The following CHD2 variants were observed in gnomAD, a reference collection of about 807,000 sequenced individuals.
CHD2 encodes the protein chromodomain helicase DNA binding protein 2.
In CHD2, 28 loss-of-function variants were observed where a neutral mutation model predicts 243.9. The ratio of observed to expected loss-of-function variants is 0.11; its 90% CI spans 0.09 to 0.16. The LOEUF (loss-of-function observed/expected upper bound fraction) is 0.16, where lower values mean the gene tolerates loss of function less well. Among genes scored for constraint, CHD2 ranks in the 10% least tolerant of loss-of-function variants. CHD2 has a pLI of 1.00. For synonymous variants in CHD2, 775 were observed against 779.0 expected (o/e 0.99, Z 0.09); for missense variants, 1,386 against 2,209.8 (o/e 0.63, Z 7.47).
chr15:92,908,858 C>T (rs1246780866), intron 2 of CHD2, among the ~76,000 whole-genome samples: 2 of 152,138 alleles, frequency 1.3e-5, no homozygotes, highest in African/African-American at 4.8e-5. Context: ...GTAGCTCACT[C>T]CTGTAATCCC....
At chr15:92,951,127 A>G (rs1460833946) in intron 13 of CHD2, among the ~76,000 whole-genome samples, 5 of 152,142 alleles carry the variant, frequency 3.3e-5, no homozygotes, top group African/African-American at 1.2e-4. Context: ...CCAGAGTCAC[A>G]TGGTGTTTTG....
chr15:92,900,519 C>CT lies in CHD2; in HGVS notation c.-374dup, dbSNP rs760998405. Reference sequence around the variant, plus strand: ...TTGGGAGAAAAGCAGCTTTTAGGAGCTTTCTTTTCGTGCCTTGTTGGAAAG... The same window carrying CT: ...TTGGGAGAAAAGCAGCTTTTAGGAGCTTTTCTTTTCGTGCCTTGTTGGAAAG... On this transcript the variant is annotated 5_prime_UTR_variant, in exon 1 of 39. Transcript: ENST00000394196. 1.5e-4 allele frequency: 58 copies of CT among 398,604 alleles called. No individual in the cohort carries two copies. Among genetic ancestry groups the CT allele is most frequent in the Non-Finnish European group, 2.4e-4 (55 of 226,038 alleles). 24.7% of individuals were successfully genotyped at this position (398,604 alleles called of 1,614,324 possible). A position where few individuals can be genotyped will look rare whatever the true frequency, so the allele number is the denominator to read the frequency against.
chr15:92,917,829 G>T (rs776978113), intron 2 of CHD2, among the ~76,000 whole-genome samples: 13 of 152,194 alleles, frequency 8.5e-5, no homozygotes, highest in South Asian at 2.1e-4. Flanking sequence ...TTCTTTATAG[G>T]TAAGGATTAG....
At chr15:92,984,617 C>T in intron 25 of CHD2, 117 bp downstream of exon 25, 1 of 873,806 alleles carries the variant, frequency 1.1e-6, no homozygotes. Context: ...GCTTCAGGAG[C>T]AGAGTTGATA....
chr15:93,013,663 G>A (rs1482823735), intron 36 of CHD2, among the ~76,000 whole-genome samples: 5 of 152,136 alleles, frequency 3.3e-5, no homozygotes, highest in Non-Finnish European at 5.9e-5. Context: ...GGCTAGGCGC[G>A]GTGGCTCGTG....
chr15:92,950,180 G>A (rs779156741), intron 13 of CHD2, among the ~76,000 whole-genome samples: 4 of 152,176 alleles, frequency 2.6e-5, no homozygotes, highest in African/African-American at 2.4e-5. Flanking sequence ...GACATAGAAT[G>A]TACTTATTCC....
At chr15:92,912,779 C>A (rs945069710) in intron 2 of CHD2, among the ~76,000 whole-genome samples, 22 of 147,278 alleles carry the variant, frequency 1.5e-4, no homozygotes, top group Non-Finnish European at 2.6e-4. Context: ...CGTGATCCGC[C>A]AACCTTGTGA....
intron 17 of CHD2, 122 bp from the exon 18 acceptor site, chr15:92,971,643 C>G: frequency 1.5e-6 from 1 of 686,916 alleles, no homozygotes; most frequent in East Asian, 3.2e-5. Context: ...TTCTTTGCTT[C>G]TTAAACTTTT....
At chr15:93,005,098 A>G (rs879628861) in intron 34 of CHD2, among the ~76,000 whole-genome samples, 2 of 152,200 alleles carry the variant, frequency 1.3e-5, no homozygotes, top group Non-Finnish European at 2.9e-5. Flanking sequence ...ACCATGTTGA[A>G]TAGATAACCA....
chr15:93,013,928 CAAAAAAAAAA>C (rs35774813), intron 36 of CHD2, among the ~76,000 whole-genome samples: 54 of 64,154 alleles, frequency 8.4e-4, no homozygotes, highest in African/African-American at 3.3e-3. Flanking sequence ...GACTCTGTCT[CAAAAAAAAAA>C]AAAAAAAAAA....
At chr15:92,940,958 TATATAAATATAA>T (rs201999332) in intron 7 of CHD2, among the ~76,000 whole-genome samples, 67,968 of 128,212 alleles carry the variant, frequency 0.53, 18,920 homozygotes, top group East Asian at 0.85. Context: ...AATATAAATA[TATATAAATATAA>T]ATATAAATAT....
At chr15:92,983,451 T>G (rs1292680981) in intron 24 of CHD2, among the ~76,000 whole-genome samples, 1 of 152,236 alleles carries the variant, frequency 6.6e-6, no homozygotes, top group African/African-American at 2.4e-5. Context: ...AGTAAGAGTC[T>G]TAACTTGACT....
rs1196553429 is a variant in CHD2, at chr15:92,915,590, A to C, written c.63-8731A>C. On this transcript the variant is annotated intron_variant, in intron 2 of 38. Coordinates refer to ENST00000394196, the MANE Select transcript of CHD2 (RefSeq NM_001271.4). ...CCGGCCTAATAAAGTTTTAAAATAAAAAAGTTAGACATAGCTAGGGTCACT... is the reference window on the plus strand; with the variant it reads ...CCGGCCTAATAAAGTTTTAAAATAACAAAGTTAGACATAGCTAGGGTCACT... Among the ~76,000 whole-genome samples, 3 of 152,168 alleles carry C rather than the reference A, an allele frequency of 2.0e-5. No homozygotes were observed. In the East Asian group the frequency reaches 5.8e-4, roughly 29 times the overall value.
chr15:92,913,741 A>G (rs1206174085), intron 2 of CHD2, among the ~76,000 whole-genome samples: 1 of 152,162 alleles, frequency 6.6e-6, no homozygotes, highest in African/African-American at 2.4e-5. Context: ...AGTCCCAGCT[A>G]TTTGGAAGGC....
intron 5 of CHD2, among the ~76,000 whole-genome samples, chr15:92,931,019 A>G (rs1477000173): frequency 2.0e-5 from 3 of 152,152 alleles, no homozygotes; most frequent in Non-Finnish European, 2.9e-5. Flanking sequence ...GATTCCTGAA[A>G]GATTAATTAG....
At chr15:93,010,279 C>G (rs997971633) in intron 35 of CHD2, among the ~76,000 whole-genome samples, 5 of 152,060 alleles carry the variant, frequency 3.3e-5, no homozygotes, top group Non-Finnish European at 7.4e-5. Flanking sequence ...GATTATGCTG[C>G]TATAAACATG....
At chr15:92,996,895 C>G in intron 28 of CHD2, 62 bp from the exon 29 acceptor site, 3 of 1,529,336 alleles carry the variant, frequency 2.0e-6, no homozygotes, top group African/African-American at 1.4e-5. Context: ...TTCGTTGATA[C>G]ATGTTTTCTG....
chr15:93,007,159 A>G (rs1488720568), intron 34 of CHD2, among the ~76,000 whole-genome samples: 2 of 152,252 alleles, frequency 1.3e-5, no homozygotes, highest in African/African-American at 2.4e-5. Context: ...TGCATGAATT[A>G]TAGCAATGAA....
chr15:92,991,620 AT>A (rs143682496), intron 27 of CHD2, 103 bp downstream of exon 27: 142 of 719,170 alleles, frequency 2.0e-4, no homozygotes, highest in South Asian at 3.9e-4. Context: ...TGCTGGGAAC[AT>A]TTTTTTTTCT....
Sources: allele counts gnomAD v4.1 joint callset (sites outside exome capture counted in the v4.1 genomes callset), GRCh38; gene constraint gnomAD v4.1.1; transcripts MANE v1.5; gene names NCBI Gene and HGNC (gene_info 2026-07-23, HGNC 2026-07-21).